SLC10A7: variants seen among roughly 807,000 people sequenced by gnomAD.
SLC10A7 encodes the protein sodium/bile acid cotransporter 7.
SLC10A7 carries 29 observed loss-of-function variants against 43.2 expected under a neutral mutation model. The observed-to-expected ratio is 0.67, with a 90% CI of 0.50 to 0.92. The LOEUF is 0.92. SLC10A7 is among the 40% of genes least tolerant of loss of function. SLC10A7 has a pLI of 0.00. For synonymous variants in SLC10A7, 152 were observed against 144.8 expected (o/e 1.05, Z -0.35); for missense variants, 295 against 403.2 (o/e 0.73, Z 2.30).
chr4:146,509,370 C>A (rs1486698623), intron 3 of SLC10A7, among the ~76,000 whole-genome samples: 3 of 152,218 alleles, frequency 2.0e-5, no homozygotes, highest in Non-Finnish European at 2.9e-5. Context: ...GATTATCCTC[C>A]TTTTCTAGAC....
At chr4:146,479,606 G>T (rs555838736) in intron 4 of SLC10A7, among the ~76,000 whole-genome samples, 1 of 152,128 alleles carries the variant, frequency 6.6e-6, no homozygotes, top group South Asian at 2.1e-4. Flanking sequence ...AGTTGCCAGA[G>T]GGTGGGGGAA....
intron 4 of SLC10A7, among the ~76,000 whole-genome samples, chr4:146,468,126 C>T (rs966838151): frequency 7.9e-5 from 12 of 152,192 alleles, no homozygotes; most frequent in Non-Finnish European, 1.6e-4. Flanking sequence ...AATTAAACTA[C>T]TTCAAGCCTC....
intron 5 of SLC10A7, among the ~76,000 whole-genome samples, chr4:146,365,717 G>T (rs1348678319): frequency 6.6e-6 from 1 of 152,182 alleles, no homozygotes; most frequent in Non-Finnish European, 1.5e-5. Flanking sequence ...CAATGTAGTA[G>T]GTACTCAAAT....
At chr4:146,436,570 G>A (rs745833418) in intron 5 of SLC10A7, among the ~76,000 whole-genome samples, 3 of 151,934 alleles carry the variant, frequency 2.0e-5, no homozygotes, top group Non-Finnish European at 2.9e-5. Context: ...CTTTGATGGC[G>A]TGATTGAGAA....
intron 10 of SLC10A7, among the ~76,000 whole-genome samples, chr4:146,265,027 C>T (rs1728467461): frequency 6.6e-6 from 1 of 152,312 alleles, no homozygotes; most frequent in African/African-American, 2.4e-5. Context: ...GCTCCAATGA[C>T]TTTCCAGTGT....
intron 4 of SLC10A7, among the ~76,000 whole-genome samples, chr4:146,502,242 G>A (rs1372409865): frequency 6.6e-6 from 1 of 152,148 alleles, no homozygotes; most frequent in Non-Finnish European, 1.5e-5. Flanking sequence ...TAAAAAGACT[G>A]AAAATACAGT....
In SLC10A7 at chr4:146,257,048, C is replaced by T; in HGVS notation, c.994-528G>A. 6 of 718,610 alleles carry T rather than the reference C, an allele frequency of 8.3e-6. No individual in the cohort carries two copies. In the South Asian group the frequency reaches 1.1e-4, roughly 14 times the overall value. The allele number at this position is 718,610 out of a possible 1,614,324, so 44.5% of individuals were successfully genotyped here. A position where few individuals can be genotyped will look rare whatever the true frequency, so the allele number is the denominator to read the frequency against. On this transcript the variant is annotated intron_variant, in intron 11 of 11. Transcript: ENST00000335472. ...CTTTTAAATGTTTGGAAGAAAAATT[C>T]ACTCTGATTAATTTGCTGTTCACTA... is the stretch of plus-strand genomic sequence containing the variant.
rs1390538345 is a variant in SLC10A7 at position 146,369,613 on chromosome 4, G to A, written c.436-43617C>T. ...ATTCCTTTAACATGAGGGATCTCCA[G>A]CAGACAAATGACGCTTACTCCTAAG... On this transcript the variant is annotated intron_variant, in intron 5 of 11. Coordinates refer to ENST00000335472, the MANE Select transcript of SLC10A7 (RefSeq NM_001029998.6). Among the ~76,000 whole-genome samples, 4 of 152,278 alleles carry A rather than the reference G, an allele frequency of 2.6e-5. No individual in the cohort carries two copies. In the South Asian group the frequency reaches 6.2e-4, roughly 24 times the overall value.
At chr4:146,493,908 A>G (rs1277857166) in intron 4 of SLC10A7, among the ~76,000 whole-genome samples, 4 of 152,282 alleles carry the variant, frequency 2.6e-5, no homozygotes, top group Non-Finnish European at 1.5e-5. Flanking sequence ...TGAAAATTCT[A>G]TAAATGTAAT....
chr4:146,316,752 G>A (rs939918070), intron 6 of SLC10A7, among the ~76,000 whole-genome samples: 7 of 151,980 alleles, frequency 4.6e-5, no homozygotes, highest in Non-Finnish European at 1.5e-5. Context: ...GATTATGTAT[G>A]GTTATAGAAT....
chr4:146,350,400 G>A (rs1467799640), intron 5 of SLC10A7, among the ~76,000 whole-genome samples: 1 of 55,618 alleles, frequency 1.8e-5, no homozygotes, highest in Non-Finnish European at 3.5e-5. Context: ...GAATCTCGCT[G>A]ATTGCTAGCA....
intron 4 of SLC10A7, among the ~76,000 whole-genome samples, chr4:146,476,320 G>T (rs990025219): frequency 2.0e-5 from 3 of 152,146 alleles, no homozygotes; most frequent in Non-Finnish European, 4.4e-5. Context: ...GTGCAGTAAT[G>T]GCCCATGAGG....
intron 10 of SLC10A7, among the ~76,000 whole-genome samples, chr4:146,282,170 G>T (rs1729594437): frequency 6.6e-6 from 1 of 152,082 alleles, no homozygotes; most frequent in Non-Finnish European, 1.5e-5. Context: ...TACAAAAATA[G>T]AGCAGTGCAT....
chr4:146,424,804 A>G (rs563901803), intron 5 of SLC10A7, among the ~76,000 whole-genome samples: 50 of 152,312 alleles, frequency 3.3e-4, no homozygotes, highest in African/African-American at 1.2e-3. Context: ...TATTTTCCAA[A>G]AAACATTTCT....
chr4:146,506,995 A>G lies in SLC10A7; in HGVS notation c.320+2918T>C, dbSNP rs1467053142. Among the ~76,000 whole-genome samples the G allele has an allele frequency of 3.3e-5, 5 of 152,214 alleles. No homozygotes were observed. The East Asian group carries it at 9.6e-4, about 29-fold the overall frequency. ...ATATTATAAAAATTTATGGCATACAACATGATGTTTTGACATGTGTATACA... is the reference window on the plus strand; with the variant it reads ...ATATTATAAAAATTTATGGCATACAGCATGATGTTTTGACATGTGTATACA... On this transcript the variant is annotated intron_variant, in intron 3 of 11. Coordinates refer to ENST00000335472, the MANE Select transcript of SLC10A7 (RefSeq NM_001029998.6).
At chr4:146,452,065 C>A (rs1731650573) in intron 4 of SLC10A7, among the ~76,000 whole-genome samples, 1 of 152,038 alleles carries the variant, frequency 6.6e-6, no homozygotes, top group South Asian at 2.1e-4. Flanking sequence ...AAGCCTGACA[C>A]CACCATGTTC....
rs1372236758 is a variant in SLC10A7 at position 146,362,962 on chromosome 4, C to A, written c.436-36966G>T. ...AAGAAAATAAAAAAGACAGGACCAA[C>A]AAAACTACCAGAAAACACATAATAA... On this transcript the variant is annotated intron_variant, in intron 5 of 11. Coordinates refer to ENST00000335472, the MANE Select transcript of SLC10A7 (RefSeq NM_001029998.6). 4.6e-5 allele frequency among the ~76,000 whole-genome samples: 7 copies of A among 151,938 alleles called. No individual in the cohort carries two copies. The South Asian group carries it at 1.5e-3, about 32-fold the overall frequency.
At chr4:146,484,189 A>C (rs567571688) in intron 4 of SLC10A7, among the ~76,000 whole-genome samples, 1 of 152,254 alleles carries the variant, frequency 6.6e-6, no homozygotes, top group African/African-American at 2.4e-5. Context: ...TTGTCTCTAC[A>C]AAAATATTTT....
chr4:146,383,359 G>A (rs1360891820), intron 5 of SLC10A7, among the ~76,000 whole-genome samples: 3 of 152,122 alleles, frequency 2.0e-5, no homozygotes, highest in Non-Finnish European at 4.4e-5. Flanking sequence ...GGCTTTCTAA[G>A]GCCAAGTCAG....
Sources: gnomAD v4.1 joint callset for allele counts (sites outside exome capture counted in the v4.1 genomes callset) on GRCh38, gnomAD v4.1.1 for gene constraint, MANE v1.5 for transcripts, NCBI Gene and HGNC (gene_info 2026-07-23, HGNC 2026-07-21) for gene names.